Variants in VPS54 observed in about 807,000 individuals in gnomAD.
VPS54 encodes VPS54 subunit of GARP complex.
A neutral mutation model predicts 121.5 loss-of-function variants in VPS54; 45 were observed. The observed-to-expected ratio is 0.37, with a 90% CI of 0.29 to 0.47. The LOEUF (loss-of-function observed/expected upper bound fraction) is 0.47, where lower values mean the gene tolerates loss of function less well. Among genes scored for constraint, VPS54 ranks in the 20% least tolerant of loss-of-function variants. The pLI is 0.99. For synonymous variants in VPS54, 371 were observed against 385.8 expected (o/e 0.96, Z 0.45); for missense variants, 1,090 against 1,131.4 (o/e 0.96, Z 0.52).
chr2:63,955,623 T>G (rs913893402), intron 7 of VPS54, among the ~76,000 whole-genome samples: 1 of 152,056 alleles, frequency 6.6e-6, no homozygotes, highest in Non-Finnish European at 1.5e-5. Flanking sequence ...TAATACAGGC[T>G]ATATAATTAA....
At chr2:63,947,987 C>T (rs1299630802) in intron 8 of VPS54, among the ~76,000 whole-genome samples, 3 of 152,026 alleles carry the variant, frequency 2.0e-5, no homozygotes, top group African/African-American at 7.2e-5. Flanking sequence ...GAGGCATGCA[C>T]CACCACACCT....
At chr2:63,995,364 C>A (rs545787512) in intron 1 of VPS54, among the ~76,000 whole-genome samples, 1 of 152,226 alleles carries the variant, frequency 6.6e-6, no homozygotes, top group Non-Finnish European at 1.5e-5. Flanking sequence ...AATGTTGGTT[C>A]GAGCTGGAGA....
At chr2:64,013,921 G>A (rs1056055501) in intron 1 of VPS54, among the ~76,000 whole-genome samples, 3 of 151,668 alleles carry the variant, frequency 2.0e-5, no homozygotes, top group Non-Finnish European at 4.4e-5. Context: ...AGCCAGGCGC[G>A]GTGGCTCACA....
chr2:63,951,706 C>CA (rs1453283215), intron 7 of VPS54, among the ~76,000 whole-genome samples: 3 of 152,064 alleles, frequency 2.0e-5, no homozygotes, highest in African/African-American at 7.2e-5. Flanking sequence ...CTAGTACCTA[C>CA]ATATATTTTA....
intron 1 of VPS54, among the ~76,000 whole-genome samples, chr2:63,987,526 T>C (rs930696836): frequency 2.0e-5 from 3 of 152,218 alleles, no homozygotes; most frequent in Admixed American, 1.3e-4. Flanking sequence ...TGTGGTTCTA[T>C]ATAAATTTCA....
rs1676145655 is a variant in VPS54 at position 63,969,022 on chromosome 2, T to C, written c.458-31A>G. 3.2e-6 allele frequency: 5 copies of C among 1,559,004 alleles called. No homozygotes were observed. In the East Asian group the frequency reaches 1.1e-4, roughly 35 times the overall value. On this transcript the variant is annotated intron_variant, in intron 4 of 22. Coordinates refer to ENST00000272322, the MANE Select transcript of VPS54 (RefSeq NM_016516.3). ...TAAAAAAGAAGGGAAATATTATTTT[T>C]AAAACTTGTTTTCATTTTAACTCCG... is the stretch of plus-strand genomic sequence containing the variant.
intron 3 of VPS54, among the ~76,000 whole-genome samples, chr2:63,979,735 C>T (rs1293976579): frequency 6.6e-6 from 1 of 152,184 alleles, no homozygotes; most frequent in Non-Finnish European, 1.5e-5. Context: ...CTTTGACTCA[C>T]ATTTTATTTA....
At chr2:64,015,661 C>T (rs941876838) in intron 1 of VPS54, among the ~76,000 whole-genome samples, 3 of 152,096 alleles carry the variant, frequency 2.0e-5, no homozygotes, top group Admixed American at 1.3e-4. Context: ...GAGTCAAAAC[C>T]GTCCTCGCAG....
Position 63,912,549 on chromosome 2 carries a change from A to G in VPS54, c.2535T>C (p.His845=). ...ATATATGAAAAAGTACCTTAGTGATATGATCAAAATGCCTAAGCATGCTAT... is the reference window on the plus strand; with the variant it reads ...ATATATGAAAAAGTACCTTAGTGATGTGATCAAAATGCCTAAGCATGCTAT... ...KQYSMLRHFD[H]ITKDYHDHIA... The change falls in exon 19 of 23, where the codon CAT becomes CAC. Residue 845 remains histidine, a synonymous_variant. Transcript: ENST00000272322. 1.9e-6 allele frequency: 3 copies of G among 1,611,604 alleles called. No homozygotes were observed. Among genetic ancestry groups the G allele is most frequent in the Non-Finnish European group, 2.5e-6 (3 of 1,179,348 alleles).
chr2:63,913,260 T>C lies in VPS54; in HGVS notation c.2385A>G (p.Gln795=). The C allele has an allele frequency of 6.2e-7, 1 of 1,611,400 alleles. No individual in the cohort carries two copies. The highest frequency in any genetic ancestry group is 8.5e-7 in the Non-Finnish European group (1 of 1,178,952). Residue 795 remains glutamine, a synonymous_variant, in exon 18 of 23, where the codon CAA becomes CAG. Coordinates refer to ENST00000272322, the MANE Select transcript of VPS54 (RefSeq NM_016516.3). ...TAGTTATCGTTTTTAGTCCAACAAC[T>C]TGCAGTGCACCAGCTCCAAGAACTA... The part of the protein sequence containing the change: ...CQLVLGAGAL[Q]VVGLKTITTK...
chr2:63,907,228 A>T (rs987391639), intron 20 of VPS54, among the ~76,000 whole-genome samples: 10 of 152,206 alleles, frequency 6.6e-5, no homozygotes, highest in Non-Finnish European at 1.5e-4. Flanking sequence ...GGTTATACAA[A>T]GATTTCTTGG....
chr2:63,914,309 C>A, intron 16 of VPS54, 22 bp from the exon 17 acceptor site: 4 of 1,502,118 alleles, frequency 2.7e-6, no homozygotes, highest in African/African-American at 1.4e-5. Flanking sequence ...GAAAAATGGC[C>A]CAATAGGAAA....
At chr2:63,980,262 C>T (rs1445744808) in intron 3 of VPS54, among the ~76,000 whole-genome samples, 3 of 152,092 alleles carry the variant, frequency 2.0e-5, no homozygotes, top group Non-Finnish European at 4.4e-5. Flanking sequence ...ATTAATACAG[C>T]CATTTCTGCT....
intron 5 of VPS54, among the ~76,000 whole-genome samples, chr2:63,968,675 C>T (rs1312517071): frequency 6.6e-6 from 1 of 151,970 alleles, no homozygotes; most frequent in East Asian, 1.9e-4. Flanking sequence ...ACTGAGATTG[C>T]ACCACTACAC....
At chr2:63,919,112 G>T (rs184171678) in intron 15 of VPS54, among the ~76,000 whole-genome samples, 1 of 151,884 alleles carries the variant, frequency 6.6e-6, no homozygotes, top group Non-Finnish European at 1.5e-5. Flanking sequence ...AAATCTTATA[G>T]GACTATTATA....
intron 20 of VPS54, among the ~76,000 whole-genome samples, chr2:63,902,266 C>T (rs187741066): frequency 1.3e-5 from 2 of 152,214 alleles, no homozygotes; most frequent in Admixed American, 1.3e-4. Flanking sequence ...ACAGAGATGA[C>T]TAAAAGATGA....
At chr2:63,895,606 T>C (rs1187400213) in intron 22 of VPS54, among the ~76,000 whole-genome samples, 1 of 152,242 alleles carries the variant, frequency 6.6e-6, no homozygotes, top group Non-Finnish European at 1.5e-5. Flanking sequence ...TGCCACTGAA[T>C]TGTTCACTTT....
At chr2:63,935,129 G>C (rs1460184328) in intron 11 of VPS54, among the ~76,000 whole-genome samples, 3 of 152,122 alleles carry the variant, frequency 2.0e-5, no homozygotes, top group Admixed American at 2.0e-4. Context: ...AAGAAATAAA[G>C]CCAAAGCTTG....
chr2:63,959,705 G>C (rs777416119), intron 7 of VPS54, among the ~76,000 whole-genome samples: 12 of 152,060 alleles, frequency 7.9e-5, no homozygotes, highest in Admixed American at 6.6e-4. Flanking sequence ...TGGGTAACAC[G>C]GCAAGACTCC....
Sources: gnomAD v4.1 joint callset for allele counts (sites outside exome capture counted in the v4.1 genomes callset) on GRCh38, gnomAD v4.1.1 for gene constraint, MANE v1.5 for transcripts, NCBI Gene and HGNC (gene_info 2026-07-23, HGNC 2026-07-21) for gene names.